The following PANX1 variants were observed in gnomAD, a reference collection of about 807,000 sequenced individuals.
The protein encoded by PANX1 is pannexin 1.
Under a neutral mutation model 38.7 loss-of-function variants are expected in PANX1, and 30 were observed. That is an observed-to-expected ratio of 0.78 (90% confidence interval 0.58 to 1.05). The LOEUF is 1.05. PANX1 is among the 50% of genes least tolerant of loss of function. PANX1 has a pLI of 0.00. For missense variants in PANX1, 551 were observed against 517.2 expected, an observed-to-expected ratio of 1.07 and a Z score of -0.63; for synonymous variants, 230 against 212.2, an observed-to-expected ratio of 1.08 and a Z score of -0.73.
intron 2 of PANX1, among the ~76,000 whole-genome samples, chr11:94,160,764 CATT>C (rs1233828036): frequency 3.3e-5 from 5 of 152,130 alleles, no homozygotes; most frequent in Non-Finnish European, 5.9e-5. Flanking sequence ...GTGATCCTGT[CATT>C]ATGATGTTAG....
intron 1 of PANX1, among the ~76,000 whole-genome samples, chr11:94,131,126 C>A (rs188101491): frequency 2.0e-5 from 3 of 152,144 alleles, no homozygotes; most frequent in African/African-American, 7.2e-5. Context: ...TGCTGACCTC[C>A]AAGGACCCGG....
chr11:94,141,584 T>C (rs1357109033), intron 1 of PANX1, among the ~76,000 whole-genome samples: 1 of 152,192 alleles, frequency 6.6e-6, no homozygotes, highest in Admixed American at 6.5e-5. Context: ...TTTTAATTAA[T>C]TTTTTTAAGC....
At chr11:94,164,643 C>A (rs915806309) in intron 2 of PANX1, among the ~76,000 whole-genome samples, 1 of 152,210 alleles carries the variant, frequency 6.6e-6, no homozygotes. Context: ...TGCTAAAGAG[C>A]AGAATGTTCT....
chr11:94,154,680 T>TG (rs1195613645), intron 2 of PANX1, among the ~76,000 whole-genome samples: 5 of 152,148 alleles, frequency 3.3e-5, no homozygotes, highest in African/African-American at 1.2e-4. Context: ...TTGAACAATG[T>TG]GGGGGTCGGG....
At chr11:94,167,561 C>CA (rs1947117070) in intron 2 of PANX1, among the ~76,000 whole-genome samples, 1 of 152,148 alleles carries the variant, frequency 6.6e-6, no homozygotes, top group East Asian at 1.9e-4. Context: ...GAAATAGAAA[C>CA]AAACCTGTTG....
At chr11:94,133,393 C>T (rs1946652932) in intron 1 of PANX1, among the ~76,000 whole-genome samples, 1 of 152,066 alleles carries the variant, frequency 6.6e-6, no homozygotes, top group Non-Finnish European at 1.5e-5. Flanking sequence ...AGGCTGGTGC[C>T]ATGGTCAAGG....
Position 94,179,850 on chromosome 11 carries a change from GC to G in PANX1, c.795del (p.Cys265Ter). The G allele has an allele frequency of 6.2e-7, 1 of 1,614,136 alleles. No homozygotes were observed. Among genetic ancestry groups the G allele is most frequent in the Non-Finnish European group, 8.5e-7 (1 of 1,180,024 alleles). ...NDSTVPDQFQCKLIAVGIFQL... is the reference protein window; with the variant it reads ...NDSTVPDQFQXKLIAVGIFQL... ...AGCACCGTGCCCGATCAGTTTCAGTGCAAACTCATTGCCGTGGGCATCTTCC... is the reference window on the plus strand; with the variant it reads ...AGCACCGTGCCCGATCAGTTTCAGTGAAACTCATTGCCGTGGGCATCTTCC... On this transcript the variant is annotated frameshift_variant, in exon 4 of 5. Transcript: ENST00000227638. LOFTEE classifies it high-confidence loss of function.
chr11:94,134,326 T>TG (rs757060277), intron 1 of PANX1, among the ~76,000 whole-genome samples: 1 of 152,150 alleles, frequency 6.6e-6, no homozygotes, highest in African/African-American at 2.4e-5. Flanking sequence ...ATTTCATTGA[T>TG]GGGGGGAGAG....
chr11:94,155,318 C>A (rs1477371415), intron 2 of PANX1, among the ~76,000 whole-genome samples: 1 of 149,620 alleles, frequency 6.7e-6, no homozygotes, highest in African/African-American at 2.5e-5. Flanking sequence ...CCATTGCACT[C>A]CAGCCTGGGG....
rs773895663 is a variant in PANX1, at chr11:94,178,552, GCCT to G, written c.506_508del (p.Ala169_Cys170delinsGly). On this transcript the variant is annotated inframe_deletion, in exon 3 of 5. Coordinates refer to ENST00000227638, the MANE Select transcript of PANX1 (RefSeq NM_015368.4). ...GCGTGACCTTGACATGAGAGATGGA[GCCT>G]GCTCAGTTCCAGGTGTTACCGAGAA... 9 of 1,614,110 alleles carry G rather than the reference GCCT, an allele frequency of 5.6e-6. No homozygotes were observed. Among genetic ancestry groups the G allele is most frequent in the Non-Finnish European group, 7.6e-6 (9 of 1,179,994 alleles).
At chr11:94,149,491 C>T (rs910421712) in intron 1 of PANX1, among the ~76,000 whole-genome samples, 9 of 152,108 alleles carry the variant, frequency 5.9e-5, no homozygotes, top group Non-Finnish European at 1.3e-4. Flanking sequence ...TCCTCTGGGC[C>T]TTGTGAGCAC....
intron 2 of PANX1, among the ~76,000 whole-genome samples, chr11:94,163,222 T>G (rs1463680864): frequency 6.6e-6 from 1 of 152,202 alleles, no homozygotes; most frequent in African/African-American, 2.4e-5. Flanking sequence ...GTGGACTACA[T>G]GTGATATTTT....
Position 94,178,391 on chromosome 11 carries a change from T to C in PANX1, c.344T>C (p.Leu115Pro). 1 of 1,614,052 alleles carries C rather than the reference T, an allele frequency of 6.2e-7. No individual in the cohort carries two copies. The highest frequency in any genetic ancestry group is 8.5e-7 in the Non-Finnish European group (1 of 1,179,944). Residue 115 changes from leucine (L) to proline (P), a missense_variant, in exon 3 of 5, where the codon CTC becomes CCC. By Grantham distance (98) the Leu-to-Pro change is moderately conservative (BLOSUM62 -3). Coordinates refer to ENST00000227638, the MANE Select transcript of PANX1 (RefSeq NM_015368.4). Reference protein sequence around the residue: ...LHKFFPYILLLFAILLYLPPL... With the variant: ...LHKFFPYILLPFAILLYLPPL... ...CAGTTTTTCCCCTACATCCTGCTGC[T>C]CTTTGCGATCCTCCTGTACCTGCCC...
chr11:94,180,268 CT>C lies in PANX1; in HGVS notation c.1201+15del. On this transcript the variant is annotated intron_variant, in intron 4 of 4. Transcript: ENST00000227638. ...CGGCAGAGCTCCAAGGTAGGGTTTG[CT>C]TTTGGCAGAGGCTACGGGAGTCTAC... The C allele has an allele frequency of 6.3e-7, 1 of 1,588,930 alleles. No homozygotes were observed. Among genetic ancestry groups the C allele is most frequent in the Non-Finnish European group, 8.6e-7 (1 of 1,164,614 alleles).
At chr11:94,130,510 G>C (rs1946617192) in intron 1 of PANX1, among the ~76,000 whole-genome samples, 1 of 127,138 alleles carries the variant, frequency 7.9e-6, no homozygotes, top group Admixed American at 8.2e-5. Flanking sequence ...GATGGTTTCA[G>C]AACTGTGAAG....
At chr11:94,166,809 A>T (rs1485527191) in intron 2 of PANX1, among the ~76,000 whole-genome samples, 1 of 152,084 alleles carries the variant, frequency 6.6e-6, no homozygotes, top group Non-Finnish European at 1.5e-5. Context: ...ATCTCTCCCC[A>T]AGCTGCACTG....
intron 1 of PANX1, among the ~76,000 whole-genome samples, chr11:94,141,366 A>C (rs1447268640): frequency 6.6e-6 from 1 of 152,154 alleles, no homozygotes; most frequent in Non-Finnish European, 1.5e-5. Flanking sequence ...TTTAGCTTGT[A>C]GTTCCCTATT....
intron 2 of PANX1, among the ~76,000 whole-genome samples, chr11:94,157,881 G>A (rs371594295): frequency 3.9e-5 from 6 of 151,980 alleles, no homozygotes; most frequent in Middle Eastern, 3.2e-3. Flanking sequence ...TTAGGTCTAA[G>A]ATTTAAGTCT....
chr11:94,180,837 G>A lies in PANX1; in HGVS notation c.1249G>A (p.Ala417Thr). The A allele has an allele frequency of 1.9e-6, 3 of 1,594,422 alleles. No homozygotes were observed. Among genetic ancestry groups the A allele is most frequent in the Non-Finnish European group, 2.6e-6 (3 of 1,162,104 alleles). Residue 417 changes from alanine (A) to threonine (T), a missense_variant, in exon 5 of 5, where the codon GCC becomes ACC. Physicochemically the swap from Ala to Thr is moderately conservative, Grantham distance 58 (BLOSUM62 0). Coordinates refer to ENST00000227638, the MANE Select transcript of PANX1 (RefSeq NM_015368.4). ...ETKANNGEKN[A>T]RQRLLDSSC is the part of the protein sequence containing the mutation. ...TAAAGCAAATAATGGAGAGAAGAAT[G>A]CCCGACAGAGACTTCTGGATTCTTC...
Sources: gnomAD v4.1 joint callset for allele counts (sites outside exome capture counted in the v4.1 genomes callset) on GRCh38, gnomAD v4.1.1 for gene constraint, MANE v1.5 for transcripts, NCBI Gene and HGNC (gene_info 2026-07-23, HGNC 2026-07-21) for gene names.